NBEA: variants seen among roughly 807,000 people sequenced by gnomAD.
The protein encoded by NBEA is lysosomal-trafficking regulator 2.
NBEA carries 44 observed loss-of-function variants against 343.4 expected under a neutral mutation model. The observed-to-expected ratio is 0.13, with a 90% CI of 0.10 to 0.16. NBEA has a LOEUF of 0.16. Ranked by LOEUF, NBEA falls within the 10% of genes least tolerant of loss-of-function variation. The pLI, the probability that NBEA is intolerant of heterozygous loss-of-function variation, is 1.00. For missense variants in NBEA, 2,555 were observed against 3,631.3 expected (o/e 0.70, Z 7.62); for synonymous variants, 1,175 against 1,238.7 (o/e 0.95, Z 1.08).
At chr13:35,636,222 C>G (rs779316143) in intron 49 of NBEA, among the ~76,000 whole-genome samples, 1 of 152,158 alleles carries the variant, frequency 6.6e-6, no homozygotes, top group African/African-American at 2.4e-5. Flanking sequence ...AGATATTACT[C>G]AATCTAAGTA....
intron 45 of NBEA, among the ~76,000 whole-genome samples, chr13:35,569,267 G>A (rs181370939): frequency 6.6e-6 from 1 of 152,250 alleles, no homozygotes; most frequent in Admixed American, 6.5e-5. Flanking sequence ...CTAACTTATT[G>A]ATGTGAGGAT....
At chr13:35,223,870 A>T (rs1311604737) in intron 33 of NBEA, among the ~76,000 whole-genome samples, 1 of 152,126 alleles carries the variant, frequency 6.6e-6, no homozygotes, top group Non-Finnish European at 1.5e-5. Flanking sequence ...TAAAATGCAG[A>T]TGTTGGCAGG....
At chr13:35,638,058 A>G (rs1359215900) in intron 49 of NBEA, among the ~76,000 whole-genome samples, 1 of 152,194 alleles carries the variant, frequency 6.6e-6, no homozygotes, top group Non-Finnish European at 1.5e-5. Flanking sequence ...GAGGTATCTT[A>G]ACGAGTCAAA....
chr13:35,363,749 AC>A (rs1383739584), intron 38 of NBEA, among the ~76,000 whole-genome samples: 1 of 151,936 alleles, frequency 6.6e-6, no homozygotes, highest in African/African-American at 2.4e-5. Flanking sequence ...TAACCATGGA[AC>A]AATTTTTTCT....
intron 11 of NBEA, among the ~76,000 whole-genome samples, chr13:35,103,781 G>A (rs118045421): frequency 0.046 from 6,917 of 151,178 alleles, 236 homozygotes; most frequent in Non-Finnish European, 0.067. Context: ...CTTTTTTTGC[G>A]CTCTAGATCC....
intron 47 of NBEA, 66 bp from the exon 48 acceptor site, chr13:35,606,360 G>C (rs528962163): frequency 1.9e-5 from 17 of 876,798 alleles, no homozygotes; most frequent in Non-Finnish European, 2.4e-5. Context: ...TAAGTTATAA[G>C]TTAATAGTTT....
At chr13:35,516,442 C>T (rs2077490815) in intron 41 of NBEA, among the ~76,000 whole-genome samples, 1 of 152,006 alleles carries the variant, frequency 6.6e-6, no homozygotes, top group African/African-American at 2.4e-5. Flanking sequence ...ATGTTTTATC[C>T]TTGTCATTTT....
At chr13:35,299,222 G>A (rs2036368236) in intron 35 of NBEA, among the ~76,000 whole-genome samples, 1 of 152,038 alleles carries the variant, frequency 6.6e-6, no homozygotes, top group Admixed American at 6.6e-5. Flanking sequence ...GAAGACTTAA[G>A]ATATCAATTT....
At chr13:35,670,824 G>A in intron 58 of NBEA, 77 bp from the exon 59 acceptor site, 1 of 975,300 alleles carries the variant, frequency 1.0e-6, no homozygotes, top group Non-Finnish European at 1.6e-6. Context: ...GCCAAACTTT[G>A]AGATACTGTC....
In NBEA at chr13:35,410,475, A is replaced by G. The variant is rs74335018; in HGVS notation, c.6180-21794A>G. Among the ~76,000 whole-genome samples, 2,556 of 152,232 alleles carry G rather than the reference A, an allele frequency of 0.017. 139 individuals carry two copies. The East Asian group carries it at 0.18, about 10-fold the overall frequency. On this transcript the variant is annotated intron_variant, in intron 38 of 58. Transcript: ENST00000379939. ...GAAAGAAGACCCTGAAATAATACAT[A>G]GGCAAGAGTCAGAATAGTAGTAATG...
chr13:34,983,330 A>G (rs1054104116), intron 1 of NBEA, among the ~76,000 whole-genome samples: 2 of 152,106 alleles, frequency 1.3e-5, no homozygotes, highest in African/African-American at 4.8e-5. Flanking sequence ...AGCTGCATCC[A>G]TGTCCCTGCA....
At chr13:35,447,656 AT>A (rs2046117710) in intron 39 of NBEA, among the ~76,000 whole-genome samples, 1 of 152,104 alleles carries the variant, frequency 6.6e-6, no homozygotes, top group Admixed American at 6.6e-5. Context: ...TGGTATTTTA[AT>A]GTTTTCATAG....
Position 35,481,075 on chromosome 13 carries a change from A to T in NBEA, c.6585+8539A>T, listed in dbSNP as rs2076101730. ...TGAGAATCGTGGTTAATTTTTTAGAATTGTTTATTCTTCACTTGACTGATA... is the reference window on the plus strand; with the variant it reads ...TGAGAATCGTGGTTAATTTTTTAGATTTGTTTATTCTTCACTTGACTGATA... On this transcript the variant is annotated intron_variant, in intron 41 of 58. Coordinates refer to ENST00000379939, the MANE Select transcript of NBEA (RefSeq NM_001385012.1). Among the ~76,000 whole-genome samples the T allele has an allele frequency of 2.6e-5, 4 of 152,028 alleles. No individual in the cohort carries two copies. The South Asian group carries it at 6.2e-4, about 24-fold the overall frequency.
intron 36 of NBEA, among the ~76,000 whole-genome samples, chr13:35,313,050 C>G (rs1280513023): frequency 1.3e-5 from 2 of 152,132 alleles, no homozygotes; most frequent in Non-Finnish European, 2.9e-5. Flanking sequence ...ATGTGATGCT[C>G]AGAGAGAGTG....
At chr13:35,108,499 A>G (rs1193495461) in intron 11 of NBEA, among the ~76,000 whole-genome samples, 5 of 152,054 alleles carry the variant, frequency 3.3e-5, no homozygotes, top group African/African-American at 1.2e-4. Context: ...TTAGCCTAGT[A>G]TTTTATTTTG....
At chr13:35,608,788 T>C (rs1452235879) in intron 48 of NBEA, among the ~76,000 whole-genome samples, 6 of 152,012 alleles carry the variant, frequency 3.9e-5, no homozygotes, top group Admixed American at 3.9e-4. Context: ...TGATAATAAG[T>C]GCCTCTTACC....
intron 13 of NBEA, among the ~76,000 whole-genome samples, chr13:35,116,636 G>A (rs899519895): frequency 1.1e-4 from 17 of 151,896 alleles, no homozygotes; most frequent in Admixed American, 2.6e-4. Flanking sequence ...ATACATGAAG[G>A]GATTATGCTT....
At chr13:35,626,658 T>A (rs938130282) in intron 48 of NBEA, among the ~76,000 whole-genome samples, 5 of 152,192 alleles carry the variant, frequency 3.3e-5, no homozygotes. Context: ...AAAATATTAC[T>A]AAATAATTAG....
intron 38 of NBEA, among the ~76,000 whole-genome samples, chr13:35,391,494 A>C (rs2042498881): frequency 6.6e-6 from 1 of 152,186 alleles, no homozygotes; most frequent in Non-Finnish European, 1.5e-5. Context: ...CTGAATAATG[A>C]AGATGGTTAA....
Sources: gnomAD v4.1 joint callset for allele counts (sites outside exome capture counted in the v4.1 genomes callset) on GRCh38, gnomAD v4.1.1 for gene constraint, MANE v1.5 for transcripts, NCBI Gene and HGNC (gene_info 2026-07-23, HGNC 2026-07-21) for gene names.